CADM1: variants seen among roughly 807,000 people sequenced by gnomAD.
CADM1 encodes cell adhesion molecule 1, also known as TSLC-1.
CADM1 carries 15 observed loss-of-function variants against 53.1 expected under a neutral mutation model. The ratio of observed to expected loss-of-function variants is 0.28; its 90% CI spans 0.19 to 0.44. CADM1 has a LOEUF of 0.44. Ranked by LOEUF, CADM1 falls within the 20% of genes least tolerant of loss-of-function variation. The probability of loss-of-function intolerance (pLI) is 1.00; values close to 1 mark genes in which losing one functional copy is unlikely to be tolerated. For missense variants in CADM1, 434 were observed against 611.3 expected, an observed-to-expected ratio of 0.71 and a Z score of 3.06; for synonymous variants, 281 against 243.0, an observed-to-expected ratio of 1.16 and a Z score of -1.45.
chr11:115,285,648 T>C (rs1208324505), intron 1 of CADM1, among the ~76,000 whole-genome samples: 1 of 152,218 alleles, frequency 6.6e-6, no homozygotes, highest in East Asian at 1.9e-4. Context: ...TTTCATTTAA[T>C]CTGAAAACAA....
At chr11:115,277,534 T>G (rs1943477174) in intron 1 of CADM1, among the ~76,000 whole-genome samples, 1 of 152,138 alleles carries the variant, frequency 6.6e-6, no homozygotes, top group South Asian at 2.1e-4. Context: ...ATACAATTAC[T>G]AGGGTCGAGT....
chr11:115,359,193 A>C (rs774798549), intron 1 of CADM1, among the ~76,000 whole-genome samples: 31 of 152,200 alleles, frequency 2.0e-4, no homozygotes, highest in Admixed American at 3.3e-4. Flanking sequence ...GAAGACTGAC[A>C]GTTTTCCAGC....
chr11:115,275,814 C>T (rs1943429190), intron 1 of CADM1, among the ~76,000 whole-genome samples: 1 of 152,140 alleles, frequency 6.6e-6, no homozygotes, highest in Non-Finnish European at 1.5e-5. Flanking sequence ...ACTTAAGGTT[C>T]CACGTTTCCT....
intron 9 of CADM1, chr11:115,193,848 T>C (rs1591592234): frequency 6.6e-6 from 1 of 152,172 alleles, no homozygotes; most frequent in Non-Finnish European, 1.5e-5. Context: ...CTAAGCAGCA[T>C]ACATCTGATC....
chr11:115,249,822 T>G (rs1188774225), intron 1 of CADM1, among the ~76,000 whole-genome samples: 1 of 152,166 alleles, frequency 6.6e-6, no homozygotes, highest in African/African-American at 2.4e-5. Flanking sequence ...GACCCTACTG[T>G]GGTCTCTTCT....
rs185290174 is a variant in CADM1, at chr11:115,388,503, C to G, written c.124+115768G>C. On this transcript the variant is annotated intron_variant, in intron 1 of 11. Coordinates refer to ENST00000331581, the MANE Select transcript of CADM1 (RefSeq NM_001301043.2). ...TGTAAGGGTTAATATAGTAACTATACAGTAGAAAAATCAGGCAATGCCCTG... is the reference window on the plus strand; with the variant it reads ...TGTAAGGGTTAATATAGTAACTATAGAGTAGAAAAATCAGGCAATGCCCTG... 7.9e-5 allele frequency among the ~76,000 whole-genome samples: 12 copies of G among 152,186 alleles called. No individual in the cohort carries two copies. In the East Asian group the frequency reaches 2.3e-3, roughly 29 times the overall value.
chr11:115,439,295 A>G (rs183216266), intron 1 of CADM1, among the ~76,000 whole-genome samples: 10 of 152,282 alleles, frequency 6.6e-5, no homozygotes, highest in Admixed American at 4.6e-4. Flanking sequence ...TAAACGTTTC[A>G]TGTCATGGCA....
chr11:115,361,028 C>T (rs1238568141), intron 1 of CADM1, among the ~76,000 whole-genome samples: 12 of 152,102 alleles, frequency 7.9e-5, no homozygotes, highest in Non-Finnish European at 1.6e-4. Flanking sequence ...GATTAAGAAC[C>T]CCCAAAACAT....
chr11:115,283,238 G>A (rs995331083), intron 1 of CADM1, among the ~76,000 whole-genome samples: 5 of 152,164 alleles, frequency 3.3e-5, no homozygotes, highest in Non-Finnish European at 5.9e-5. Context: ...GCAAAAAGAG[G>A]TGATGGTAGA....
intron 1 of CADM1, among the ~76,000 whole-genome samples, chr11:115,294,934 G>A (rs565527191): frequency 6.6e-6 from 1 of 152,244 alleles, no homozygotes; most frequent in South Asian, 2.1e-4. Flanking sequence ...GCTACTCCAG[G>A]AGGCTGAGGC....
At chr11:115,252,574 A>G (rs1193067765) in intron 1 of CADM1, among the ~76,000 whole-genome samples, 1 of 152,234 alleles carries the variant, frequency 6.6e-6, no homozygotes, top group African/African-American at 2.4e-5. Flanking sequence ...GCAGAGGACC[A>G]GACATTTGGA....
In CADM1 at chr11:115,176,388, C is replaced by A. The variant is rs1033742464; in HGVS notation, c.*86G>T. 4.6e-5 allele frequency: 73 copies of A among 1,599,322 alleles called. 5 individuals carry two copies. The South Asian group carries it at 5.9e-4, about 13-fold the overall frequency. The stretch of plus-strand genomic sequence containing the variant: ...TTCCACCCATTCATAAAAAAACACA[C>A]GAATTTCTCGCAAGTTCCAATATCA... On this transcript the variant is annotated 3_prime_UTR_variant, in exon 12 of 12. Transcript: ENST00000331581.
chr11:115,273,671 G>T (rs1282018979), intron 1 of CADM1, among the ~76,000 whole-genome samples: 1 of 152,082 alleles, frequency 6.6e-6, no homozygotes, highest in Non-Finnish European at 1.5e-5. Flanking sequence ...GGTTTAGATT[G>T]TCATTTTATA....
chr11:115,233,996 G>A (rs1280981931), intron 3 of CADM1, among the ~76,000 whole-genome samples: 4 of 152,356 alleles, frequency 2.6e-5, no homozygotes, highest in South Asian at 2.1e-4. Flanking sequence ...GTGGAAACAC[G>A]GGAATCTTCT....
intron 1 of CADM1, among the ~76,000 whole-genome samples, chr11:115,415,827 A>C (rs1237848957): frequency 6.6e-5 from 5 of 75,776 alleles, no homozygotes; most frequent in Non-Finnish European, 2.0e-4. Context: ...TGTCTCCAAA[A>C]AAAAAAAAAA....
At chr11:115,459,282 G>A (rs770038202) in intron 1 of CADM1, among the ~76,000 whole-genome samples, 4 of 152,084 alleles carry the variant, frequency 2.6e-5, no homozygotes, top group East Asian at 1.9e-4. Flanking sequence ...AGTGTATTAC[G>A]TGTGTTCTCC....
chr11:115,287,715 A>G (rs1943767819), intron 1 of CADM1, among the ~76,000 whole-genome samples: 1 of 152,226 alleles, frequency 6.6e-6, no homozygotes, highest in Non-Finnish European at 1.5e-5. Context: ...TACAAAAGGA[A>G]TAGTGAAATG....
intron 1 of CADM1, among the ~76,000 whole-genome samples, chr11:115,328,703 T>C (rs11215493): frequency 1.7e-3 from 9 of 5,374 alleles, no homozygotes; most frequent in African/African-American, 2.1e-3. Context: ...TATATATATG[T>C]ATATATATAT....
At chr11:115,308,139 CTCTGTGTG>C (rs1302162540) in intron 1 of CADM1, among the ~76,000 whole-genome samples, 3 of 120,736 alleles carry the variant, frequency 2.5e-5, no homozygotes, top group African/African-American at 3.5e-5. Context: ...CAAACTCTCT[CTCTGTGTG>C]TGTGTGTGTG....
Sources: allele counts gnomAD v4.1 joint callset (sites outside exome capture counted in the v4.1 genomes callset), GRCh38; gene constraint gnomAD v4.1.1; transcripts MANE v1.5; gene names NCBI Gene and HGNC (gene_info 2026-07-23, HGNC 2026-07-21).